DLG5: variants seen among roughly 807,000 people sequenced by gnomAD.
DLG5 encodes the protein discs large MAGUK scaffold protein 5, also known as disks large homolog 5.
A neutral mutation model predicts 189.8 loss-of-function variants in DLG5; 48 were observed. The ratio of observed to expected loss-of-function variants is 0.25; its 90% CI spans 0.20 to 0.32. The LOEUF is 0.32. Ranked by LOEUF, DLG5 falls within the 10% of genes least tolerant of loss-of-function variation. DLG5 has a pLI of 1.00. For missense variants in DLG5, 2,160 were observed against 2,544.7 expected (o/e 0.85, Z 3.25); for synonymous variants, 1,016 against 1,054.1 (o/e 0.96, Z 0.70).
rs77951077 is a variant in DLG5 at position 77,798,479 on chromosome 10, A to G, written c.5165-1885T>C. On this transcript the variant is annotated intron_variant, in intron 27 of 31. Transcript: ENST00000372391. ...ACTCCTCTCTGATACCCCTTCCCCA[A>G]CCTCAGTCCCCACTGGGCTCCTTGA... Among the ~76,000 whole-genome samples the G allele has an allele frequency of 5.1e-3, 776 of 152,242 alleles. 17 individuals carry two copies. The East Asian group carries it at 0.072, about 14-fold the overall frequency.
chr10:77,867,911 C>G (rs762056289), intron 2 of DLG5: 9 of 456,488 alleles, frequency 2.0e-5, no homozygotes, highest in South Asian at 1.4e-4. Context: ...TGACCAGTGT[C>G]CTTATTAAAA....
chr10:77,830,553 G>A (rs554550634), intron 10 of DLG5, among the ~76,000 whole-genome samples, 188 bp downstream of exon 10: 9 of 152,134 alleles, frequency 5.9e-5, no homozygotes, highest in Non-Finnish European at 1.2e-4. Flanking sequence ...AGCGTCCTCC[G>A]AGGACCCTGC....
At chr10:77,795,718 G>A (rs1840879724) in intron 29 of DLG5, among the ~76,000 whole-genome samples, 1 of 152,034 alleles carries the variant, frequency 6.6e-6, no homozygotes, top group Non-Finnish European at 1.5e-5. Flanking sequence ...GAAATTGTTC[G>A]GCACATGCAT....
intron 1 of DLG5, among the ~76,000 whole-genome samples, chr10:77,887,413 C>T (rs143967897): frequency 4.0e-5 from 6 of 151,762 alleles, no homozygotes; most frequent in Admixed American, 1.3e-4. Context: ...GCCTCAGGCC[C>T]CCAGCAGACA....
the DLG5 span, among the ~76,000 whole-genome samples, chr10:77,934,278 G>A: frequency 2.0e-5 from 3 of 149,640 alleles, no homozygotes; most frequent in South Asian, 2.1e-4. Flanking sequence ...GGCTGAGGCA[G>A]GAGAATTGCT....
In DLG5 at chr10:77,898,637, A is replaced by C. The variant is rs189203212; in HGVS notation, c.304+27580T>G. On this transcript the variant is annotated intron_variant, in intron 1 of 31. Coordinates refer to ENST00000372391, the MANE Select transcript of DLG5 (RefSeq NM_004747.4). ...CAGCGCAGGAGCAGCTCCTGACGGC[A>C]CACGAGTCACGCGGCTGGGCCCCGC... Among the ~76,000 whole-genome samples, 44 of 152,326 alleles carry C rather than the reference A, an allele frequency of 2.9e-4. No homozygotes were observed. In the East Asian group the frequency reaches 8.3e-3, roughly 29 times the overall value.
rs1555544191 is a variant in DLG5, at chr10:77,805,759, C to T, written c.5070G>A (p.Arg1690=). 6.2e-7 allele frequency: 1 copy of T among 1,614,002 alleles called. No homozygotes were observed. Among genetic ancestry groups the T allele is most frequent in the Non-Finnish European group, 8.5e-7 (1 of 1,180,028 alleles). ...CGCTGCGTTTGTGCTTGTGTTTCCT[C>T]CGAAAAAAGGACCGGCGTGCAGCCG... The part of the protein sequence containing the change: ...LSAAARRSFF[R]RKHKHKRSGS... The change falls in exon 27 of 32, where the codon CGG becomes CGA. Residue 1690 remains arginine (R), a synonymous_variant. Coordinates refer to ENST00000372391, the MANE Select transcript of DLG5 (RefSeq NM_004747.4).
intron 1 of DLG5, among the ~76,000 whole-genome samples, chr10:77,892,602 C>G (rs1845642326): frequency 6.6e-6 from 1 of 152,204 alleles, no homozygotes; most frequent in Non-Finnish European, 1.5e-5. Flanking sequence ...CCCTTGGACA[C>G]TGCACCTGTG....
rs1842250522 is a variant in DLG5, at chr10:77,819,908, G to A, written c.3513C>T (p.Ser1171=). The change falls in exon 16 of 32, where the codon AGC becomes AGT. Residue 1171 remains serine, a synonymous_variant. Coordinates refer to ENST00000372391, the MANE Select transcript of DLG5 (RefSeq NM_004747.4). Reference sequence around the variant, plus strand: ...TGGCTGACTCACCCACAGACGGCCTGCTAGGGTATAGCGGGGGGTTGCTGT... The same window carrying A: ...TGGCTGACTCACCCACAGACGGCCTACTAGGGTATAGCGGGGGGTTGCTGT... ...SRHSNPPLYP[S]RPSVGTVPRS... The A allele has an allele frequency of 6.3e-7, 1 of 1,585,224 alleles. No homozygotes were observed. The highest frequency in any genetic ancestry group is 8.6e-7 in the Non-Finnish European group (1 of 1,166,466).
Position 77,845,934 on chromosome 10 carries a change from T to TAAAA in DLG5, c.865-2232_865-2229dup, listed in dbSNP as rs1209911526. Reference sequence around the variant, plus strand: ...CCACTCTACATCTAAAATCTTTCTTTAAAAAAAAAAAAAAAAAAAAAAAGC... The same window carrying TAAAA: ...CCACTCTACATCTAAAATCTTTCTTTAAAAAAAAAAAAAAAAAAAAAAAAAAAGC... On this transcript the variant is annotated intron_variant, in intron 5 of 31. Coordinates refer to ENST00000372391, the MANE Select transcript of DLG5 (RefSeq NM_004747.4). Among the ~76,000 whole-genome samples, 9 of 97,474 alleles carry TAAAA rather than the reference T, an allele frequency of 9.2e-5. 2 individuals carry two copies. Among genetic ancestry groups the TAAAA allele is most frequent in the Non-Finnish European group, 1.4e-4 (7 of 51,682 alleles). 63.9% of individuals were successfully genotyped at this position (97,474 alleles called of 152,430 possible). A position where few individuals can be genotyped will look rare whatever the true frequency, so the allele number is the denominator to read the frequency against.
chr10:77,837,138 T>C (rs7072509), intron 7 of DLG5, among the ~76,000 whole-genome samples: 6,838 of 142,234 alleles, frequency 0.048, 525 homozygotes, highest in African/African-American at 0.17. Flanking sequence ...TTGCTTGAAC[T>C]TGGGAGACTG....
chr10:77,820,421 C>A, intron 15 of DLG5: 1 of 167,548 alleles, frequency 6.0e-6, no homozygotes, highest in Admixed American at 5.8e-5. Flanking sequence ...CCCCCAGGAA[C>A]CAGCTCCTCC....
rs112804453 is a variant in DLG5 at position 77,812,687 on chromosome 10, C to T, written c.4026-310G>A. On this transcript the variant is annotated intron_variant, in intron 20 of 31. Coordinates refer to ENST00000372391, the MANE Select transcript of DLG5 (RefSeq NM_004747.4). ...GTGGATTTTCATTACAGGAGAGGAG[C>T]TGCCCCACAATATGCAATTACAAAC... Among the ~76,000 whole-genome samples, 177 of 152,326 alleles carry T rather than the reference C, an allele frequency of 1.2e-3. 1 individual carries two copies. The highest frequency in any genetic ancestry group is 3.7e-3 in the African/African-American group (155 of 41,562).
intron 20 of DLG5, among the ~76,000 whole-genome samples, chr10:77,813,678 G>C (rs1359522481): frequency 6.6e-6 from 1 of 152,178 alleles, no homozygotes; most frequent in Non-Finnish European, 1.5e-5. Flanking sequence ...GCCCAGAGCA[G>C]AAAGAGGTCC....
At chr10:77,820,270 C>T (rs1239732596) in intron 15 of DLG5, 3 of 392,722 alleles carry the variant, frequency 7.6e-6, no homozygotes, top group East Asian at 6.4e-5. Flanking sequence ...CGCTTGAACT[C>T]GGGAGGCAGA....
At chr10:77,855,519 C>G (rs1285380204) in intron 3 of DLG5, among the ~76,000 whole-genome samples, 2 of 152,250 alleles carry the variant, frequency 1.3e-5, no homozygotes, top group Non-Finnish European at 2.9e-5. Context: ...TCGACTCCAC[C>G]TTTGTAGCAG....
At chr10:77,803,721 C>T (rs1322736010) in intron 27 of DLG5, among the ~76,000 whole-genome samples, 2 of 151,928 alleles carry the variant, frequency 1.3e-5, no homozygotes, top group African/African-American at 2.4e-5. Context: ...AGACAAAGGG[C>T]TATTTTTTAA....
intron 2 of DLG5, among the ~76,000 whole-genome samples, chr10:77,867,259 A>G (rs1424765180): frequency 6.6e-6 from 1 of 152,178 alleles, no homozygotes; most frequent in Non-Finnish European, 1.5e-5. Flanking sequence ...CCCTCTCTGG[A>G]ATCCCCTTTT....
At chr10:77,915,587 AG>A (rs1193941604) in intron 1 of DLG5, among the ~76,000 whole-genome samples, 1 of 152,212 alleles carries the variant, frequency 6.6e-6, no homozygotes, top group Non-Finnish European at 1.5e-5. Context: ...AGCCCTCTCA[AG>A]GGGCCTGCAG....
Sources: gnomAD v4.1 joint callset for allele counts (sites outside exome capture counted in the v4.1 genomes callset) on GRCh38, gnomAD v4.1.1 for gene constraint, MANE v1.5 for transcripts, NCBI Gene and HGNC (gene_info 2026-07-23, HGNC 2026-07-21) for gene names.